PLCE1: variants seen among roughly 807,000 people sequenced by gnomAD.
The protein encoded by PLCE1 is phospholipase C epsilon 1.
A neutral mutation model predicts 242.8 loss-of-function variants in PLCE1; 119 were observed. The observed-to-expected ratio is 0.49, with a 90% confidence interval of 0.42 to 0.57. PLCE1 has a LOEUF of 0.57. Ranked by LOEUF, PLCE1 falls within the 20% of genes least tolerant of loss-of-function variation. The pLI is 0.00. For missense variants in PLCE1, 2,441 were observed against 2,788.8 expected (o/e 0.88, Z 2.81); for synonymous variants, 945 against 1,017.4 (o/e 0.93, Z 1.35).
chr10:94,179,517 T>TC (rs149741076), intron 4 of PLCE1, among the ~76,000 whole-genome samples: 12,461 of 39,522 alleles, frequency 0.32, 1,398 homozygotes, highest in African/African-American at 0.43. Flanking sequence ...GTTTAGTTTT[T>TC]TTTTTTTTTT....
rs777426672 is a variant in PLCE1, at chr10:94,235,957, G to A, written c.2257G>A (p.Val753Met). ...YSGQDNFLQR[V>M]GQNGLKNSEK... ...TGGACAAGATAATTTCTTACAACGA[G>A]TGGGACAAAATGGCTTAAAGAATTC... Residue 753 changes from valine (V) to methionine (M), a missense_variant, in exon 7 of 33, where the codon GTG becomes ATG. By Grantham distance (21) the Val-to-Met change is conservative. Coordinates refer to ENST00000371380, the MANE Select transcript of PLCE1 (RefSeq NM_016341.4). 3 of 1,613,926 alleles carry A rather than the reference G, an allele frequency of 1.9e-6. No homozygotes were observed. The highest frequency in any genetic ancestry group is 2.5e-6 in the Non-Finnish European group (3 of 1,179,966).
At chr10:94,138,384 G>T in intron 3 of PLCE1, 1 of 398,678 alleles carries the variant, frequency 2.5e-6, no homozygotes, top group South Asian at 2.1e-5. Context: ...CCAGGAACTG[G>T]GGACCTATGG....
At chr10:94,045,764 A>G (rs764230974) in intron 2 of PLCE1, among the ~76,000 whole-genome samples, 1 of 152,098 alleles carries the variant, frequency 6.6e-6, no homozygotes, top group Non-Finnish European at 1.5e-5. Context: ...GGAGGCAGAC[A>G]TGTCTGTCTC....
chr10:94,070,431 G>A (rs1282975970), intron 2 of PLCE1, among the ~76,000 whole-genome samples: 1 of 152,018 alleles, frequency 6.6e-6, no homozygotes, highest in Non-Finnish European at 1.5e-5. Flanking sequence ...ACCCCTCTCT[G>A]CTAATGGCTC....
At chr10:94,162,209 T>C (rs2047640450) in intron 3 of PLCE1, among the ~76,000 whole-genome samples, 1 of 152,254 alleles carries the variant, frequency 6.6e-6, no homozygotes, top group Admixed American at 6.5e-5. Context: ...TCCTATTGAT[T>C]GGAATAGTTT....
At chr10:94,210,909 A>G (rs897727592) in intron 4 of PLCE1, among the ~76,000 whole-genome samples, 3 of 152,050 alleles carry the variant, frequency 2.0e-5, no homozygotes, top group Admixed American at 6.6e-5. Flanking sequence ...CCAAATCTCT[A>G]TTCTCCTCTG....
Position 94,316,717 on chromosome 10 carries a change from G to C in PLCE1, c.6303G>C (p.Glu2101Asp). The change falls in exon 29 of 33, where the codon GAG (glutamate) becomes GAC (aspartate). Residue 2101 changes from glutamate (E) to aspartate (D), a missense_variant. Physicochemically the swap from Glu to Asp is conservative, Grantham distance 45. Around this residue, in one of 5 missense-constraint regions of PLCE1, gnomAD observed 310 missense variants for 317.2 expected, o/e 0.98. Transcript: ENST00000371380. The part of the protein sequence containing the change: ...MQILSSWFPE[E>D]GYMGRIVLKT... Reference sequence around the variant, plus strand: ...TTTTAAGCAGCTGGTTTCCAGAAGAGGGATACATGGGCAGGATTGTCTTAA... The same window carrying C: ...TTTTAAGCAGCTGGTTTCCAGAAGACGGATACATGGGCAGGATTGTCTTAA... 1 of 1,614,012 alleles carries C rather than the reference G, an allele frequency of 6.2e-7. No homozygotes were observed. The highest frequency in any genetic ancestry group is 1.7e-5 in the Admixed American group (1 of 60,020).
At chr10:94,260,143 C>A (rs1460997329) in intron 13 of PLCE1, among the ~76,000 whole-genome samples, 1 of 152,150 alleles carries the variant, frequency 6.6e-6, no homozygotes, top group Non-Finnish European at 1.5e-5. Context: ...GTGTGTGTCA[C>A]AGTGGAGAAC....
At chr10:94,251,319 G>A (rs545593059) in intron 8 of PLCE1, among the ~76,000 whole-genome samples, 6 of 152,164 alleles carry the variant, frequency 3.9e-5, no homozygotes, top group Non-Finnish European at 7.3e-5. Context: ...ACATCAGATA[G>A]TTATTAAACA....
At chr10:94,125,880 T>A (rs2046422972) in intron 2 of PLCE1, among the ~76,000 whole-genome samples, 1 of 152,206 alleles carries the variant, frequency 6.6e-6, no homozygotes, top group Non-Finnish European at 1.5e-5. Flanking sequence ...AAGCTCTGGC[T>A]ATTCCAAGGA....
At chr10:94,207,514 CGTGT>C (rs56098317) in intron 4 of PLCE1, among the ~76,000 whole-genome samples, 75,404 of 142,576 alleles carry the variant, frequency 0.53, 21,694 homozygotes, top group Non-Finnish European at 0.65. Context: ...AATAGTTATA[CGTGT>C]GTGTGTGTGT....
At chr10:94,044,283 G>T (rs1158621631) in intron 2 of PLCE1, among the ~76,000 whole-genome samples, 1 of 152,140 alleles carries the variant, frequency 6.6e-6, no homozygotes, top group African/African-American at 2.4e-5. Flanking sequence ...CACCTTGAAA[G>T]GTTGTCCCCA....
At chr10:94,202,489 C>G (rs975340334) in intron 4 of PLCE1, among the ~76,000 whole-genome samples, 4 of 152,160 alleles carry the variant, frequency 2.6e-5, no homozygotes, top group Non-Finnish European at 5.9e-5. Context: ...CACCACCCCC[C>G]ATAGAAGCTG....
rs1426476262 is a variant in PLCE1, at chr10:94,316,727, G to C, written c.6313G>C (p.Gly2105Arg). The change falls in exon 29 of 33, where the codon GGC becomes CGC. Residue 2105 changes from glycine (G) to arginine (R), a missense_variant. This residue lies in a region of PLCE1 where 310 missense variants were observed against 317.2 expected (regional missense o/e 0.98). Coordinates refer to ENST00000371380, the MANE Select transcript of PLCE1 (RefSeq NM_016341.4). Reference sequence around the variant, plus strand: ...CTGGTTTCCAGAAGAGGGATACATGGGCAGGATTGTCTTAAAAACCCAGCA... The same window carrying C: ...CTGGTTTCCAGAAGAGGGATACATGCGCAGGATTGTCTTAAAAACCCAGCA... The part of the protein sequence containing the change: ...SSWFPEEGYM[G>R]RIVLKTQQEN... The C allele has an allele frequency of 3.1e-6, 5 of 1,613,940 alleles. No individual in the cohort carries two copies. The South Asian group carries it at 5.5e-5, about 18-fold the overall frequency.
intron 4 of PLCE1, among the ~76,000 whole-genome samples, chr10:94,173,979 G>T (rs1399532986): frequency 1.3e-5 from 2 of 152,174 alleles, no homozygotes; most frequent in Non-Finnish European, 2.9e-5. Flanking sequence ...CATCAAAAGA[G>T]AATTTTCAAA....
chr10:94,231,455 T>C (rs2211449), intron 5 of PLCE1, among the ~76,000 whole-genome samples: 152,298 of 152,302 alleles, frequency 1, 76,147 homozygotes, highest in Non-Finnish European at 1. Context: ...AGCTTCCAAC[T>C]AGCTCTCCCT....
At chr10:94,097,824 CA>C (rs541311135) in intron 2 of PLCE1, among the ~76,000 whole-genome samples, 3 of 152,154 alleles carry the variant, frequency 2.0e-5, no homozygotes, top group Non-Finnish European at 2.9e-5. Flanking sequence ...AGAGCTGGGG[CA>C]GTCAGAATGG....
At chr10:94,297,229 A>G (rs2052859549) in intron 23 of PLCE1, among the ~76,000 whole-genome samples, 1 of 152,000 alleles carries the variant, frequency 6.6e-6, no homozygotes, top group Admixed American at 6.6e-5. Context: ...TTTAGAGGCC[A>G]ATGTAGGGTT....
At chr10:94,121,508 T>A (rs1295009649) in intron 2 of PLCE1, among the ~76,000 whole-genome samples, 2 of 152,086 alleles carry the variant, frequency 1.3e-5, no homozygotes. Context: ...CTCTAAAGAT[T>A]CAGGTATTTA....
Sources: allele counts gnomAD v4.1 joint callset (sites outside exome capture counted in the v4.1 genomes callset), GRCh38; gene constraint gnomAD v4.1.1; regional missense constraint gnomAD v4.1.1; transcripts MANE v1.5; gene names NCBI Gene and HGNC (gene_info 2026-07-23, HGNC 2026-07-21).